The following AKR1C8 variants were observed in gnomAD, a reference collection of about 807,000 sequenced individuals.
AKR1C8 encodes the protein aldo-keto reductase family 1 member C8.
the AKR1C8 span, among the ~76,000 whole-genome samples, chr10:5,177,129 C>G: frequency 6.6e-6 from 1 of 152,018 alleles, no homozygotes; most frequent in African/African-American, 2.4e-5. Flanking sequence ...ATAGATAGCT[C>G]TTATTATTTT....
At chr10:5,145,711 A>AGGAT in the AKR1C8 span, among the ~76,000 whole-genome samples, 4 of 152,174 alleles carry the variant, frequency 2.6e-5, no homozygotes, top group Non-Finnish European at 4.4e-5. Context: ...GGTGCTGGAG[A>AGGAT]GGATGTGGAG....
At chr10:5,123,863 A>C in the AKR1C8 span, 1 of 1,559,856 alleles carries the variant, frequency 6.4e-7, no homozygotes, top group Non-Finnish European at 8.7e-7. Context: ...AATATGAAAC[A>C]GTTATGTTAA....
the AKR1C8 span, among the ~76,000 whole-genome samples, chr10:5,183,941 A>C: frequency 6.6e-6 from 1 of 152,286 alleles, no homozygotes; most frequent in Non-Finnish European, 1.5e-5. Flanking sequence ...TAACCAACAG[A>C]CTTCTAGGAA....
chr10:5,156,361 T>C, the AKR1C8 span, among the ~76,000 whole-genome samples: 1 of 152,244 alleles, frequency 6.6e-6, no homozygotes, highest in East Asian at 1.9e-4. Flanking sequence ...CAAAGAGTTC[T>C]GCATTTTTAA....
chr10:5,146,290 A>G, the AKR1C8 span, among the ~76,000 whole-genome samples: 2 of 152,034 alleles, frequency 1.3e-5, no homozygotes, highest in South Asian at 4.2e-4. Context: ...TGGCACATGT[A>G]TACGTATGTA....
At chr10:5,174,574 A>C in the AKR1C8 span, among the ~76,000 whole-genome samples, 1 of 152,048 alleles carries the variant, frequency 6.6e-6, no homozygotes, top group Non-Finnish European at 1.5e-5. Context: ...ATAGAGAAAT[A>C]ACCACACCTC....
the AKR1C8 span, among the ~76,000 whole-genome samples, chr10:5,171,089 G>T: frequency 6.6e-6 from 1 of 152,076 alleles, no homozygotes; most frequent in African/African-American, 2.4e-5. Context: ...GCTAATTCCT[G>T]TCCTGTTTGA....
the AKR1C8 span, among the ~76,000 whole-genome samples, chr10:5,125,420 T>A: frequency 6.6e-6 from 1 of 152,126 alleles, no homozygotes; most frequent in Non-Finnish European, 1.5e-5. Context: ...CATAAACTTT[T>A]GGGAACTCTG....
the AKR1C8 span, chr10:5,157,508 C>T: frequency 3.1e-6 from 1 of 318,088 alleles, no homozygotes; most frequent in Admixed American, 4.1e-5. Context: ...TTCCACACTG[C>T]CCTCCTCCCT....
the AKR1C8 span, among the ~76,000 whole-genome samples, chr10:5,127,997 C>A: frequency 1.2e-4 from 18 of 151,986 alleles, no homozygotes; most frequent in East Asian, 3.5e-3. Context: ...TATCTAAAGT[C>A]AACATGAAGG....
At chr10:5,137,152 G>C in the AKR1C8 span, among the ~76,000 whole-genome samples, 3 of 152,024 alleles carry the variant, frequency 2.0e-5, no homozygotes, top group African/African-American at 4.8e-5. Context: ...GTAATCTTTT[G>C]GCTGCTAGAA....
chr10:5,144,228 T>C, the AKR1C8 span, among the ~76,000 whole-genome samples: 2 of 152,160 alleles, frequency 1.3e-5, no homozygotes, highest in Non-Finnish European at 2.9e-5. Flanking sequence ...GTTCCATTGA[T>C]CTATATCTCT....
chr10:5,124,599 T>A, the AKR1C8 span, among the ~76,000 whole-genome samples: 2 of 151,886 alleles, frequency 1.3e-5, no homozygotes, highest in Admixed American at 6.6e-5. Context: ...ATACAAAAAA[T>A]TAAAACATTA....
At chr10:5,175,494 A>G in the AKR1C8 span, among the ~76,000 whole-genome samples, 1 of 152,162 alleles carries the variant, frequency 6.6e-6, no homozygotes, top group Non-Finnish European at 1.5e-5. Flanking sequence ...TATACCCAGT[A>G]ATGGGATGGC....
chr10:5,178,059 T>A, the AKR1C8 span, among the ~76,000 whole-genome samples: 2 of 152,296 alleles, frequency 1.3e-5, no homozygotes, highest in South Asian at 4.1e-4. Flanking sequence ...CTAGTTCTTT[T>A]AATTGTGATG....
chr10:5,160,674 T>C, the AKR1C8 span: 2 of 375,614 alleles, frequency 5.3e-6, no homozygotes, highest in South Asian at 4.1e-5. Context: ...ACTTCACAGA[T>C]GAGAACACAG....
the AKR1C8 span, among the ~76,000 whole-genome samples, chr10:5,145,166 A>C: frequency 0.28 from 42,366 of 151,962 alleles, 6,758 homozygotes; most frequent in Non-Finnish European, 0.36. Context: ...TATATACTGG[A>C]TTACATTTAT....
At chr10:5,162,097 G>A in the AKR1C8 span, 1 of 397,182 alleles carries the variant, frequency 2.5e-6, no homozygotes, top group Admixed American at 3.4e-5. Flanking sequence ...TAAAAGAGCT[G>A]GGACTAAACA....
chr10:5,162,346 A>T, the AKR1C8 span, among the ~76,000 whole-genome samples: 1 of 152,320 alleles, frequency 6.6e-6, no homozygotes, highest in Non-Finnish European at 1.5e-5. Flanking sequence ...ATTCTGAGAG[A>T]CCTACATTCT....
Sources: allele counts gnomAD v4.1 joint callset (sites outside exome capture counted in the v4.1 genomes callset), GRCh38; gene constraint gnomAD v4.1.1; transcripts MANE v1.5; gene names NCBI Gene and HGNC (gene_info 2026-07-23, HGNC 2026-07-21).